Variants in CHRM3 observed in about 807,000 individuals in gnomAD.
The protein encoded by CHRM3 is muscarinic acetylcholine receptor M3.
Under a neutral mutation model 41.8 loss-of-function variants are expected in CHRM3, and 11 were observed. The ratio of observed to expected loss-of-function variants is 0.26; its 90% CI spans 0.17 to 0.44. The LOEUF (loss-of-function observed/expected upper bound fraction) is 0.44, where lower values mean the gene tolerates loss of function less well. Among genes scored for constraint, CHRM3 ranks in the 20% least tolerant of loss-of-function variants. The probability of loss-of-function intolerance (pLI) is 1.00; values close to 1 mark genes in which losing one functional copy is unlikely to be tolerated. For synonymous variants in CHRM3, 297 were observed against 301.4 expected (o/e 0.99, Z 0.15); for missense variants, 571 against 745.4 (o/e 0.77, Z 2.72).
chr1:239,525,416 GT>G (rs1013159403), intron 2 of CHRM3, among the ~76,000 whole-genome samples: 6 of 151,708 alleles, frequency 4.0e-5, no homozygotes, highest in African/African-American at 1.4e-4. Context: ...TTGACTATCA[GT>G]TATTGTATTT....
At chr1:239,532,622 CA>C (rs56408389) in intron 2 of CHRM3, among the ~76,000 whole-genome samples, 61,213 of 114,660 alleles carry the variant, frequency 0.53, 13,296 homozygotes, top group Middle Eastern at 0.64. Flanking sequence ...GACTGCCTCT[CA>C]AAAAAAAAAA....
rs112646057 is a variant in CHRM3, at chr1:239,464,178, G to A, written c.-520-28531G>A. ...AACTGTAGTCCCAGCTACTTGGGAG[G>A]CTGAGGTATGAGAATCACTTGAACC... On this transcript the variant is annotated intron_variant, in intron 1 of 6. Transcript: ENST00000676153. Among the ~76,000 whole-genome samples the A allele has an allele frequency of 3.2e-3, 488 of 151,828 alleles. 2 individuals are homozygous for A. Among genetic ancestry groups the A allele is most frequent in the African/African-American group, 0.011 (456 of 41,326 alleles).
At chr1:239,670,056 C>A in intron 4 of CHRM3, among the ~76,000 whole-genome samples, 1 of 152,006 alleles carries the variant, frequency 6.6e-6, no homozygotes, top group East Asian at 1.9e-4. Context: ...TAATAAGAAG[C>A]CAGTTAAGGT....
intron 1 of CHRM3, among the ~76,000 whole-genome samples, chr1:239,389,521 G>T (rs72754649): frequency 0.22 from 32,769 of 152,084 alleles, 4,274 homozygotes; most frequent in Non-Finnish European, 0.3. Context: ...ATTAGAGTAT[G>T]TAAAAATGTG....
chr1:239,729,619 C>CA (rs1663772284), intron 5 of CHRM3, among the ~76,000 whole-genome samples: 1 of 151,870 alleles, frequency 6.6e-6, no homozygotes, highest in South Asian at 2.1e-4. Flanking sequence ...ATAATAGTTA[C>CA]AGAGTTTTCT....
intron 1 of CHRM3, among the ~76,000 whole-genome samples, chr1:239,411,650 G>A (rs532230915): frequency 9.7e-4 from 139 of 143,146 alleles, no homozygotes; most frequent in Non-Finnish European, 1.7e-3. Flanking sequence ...GCTTGAACCC[G>A]GGAGGCAGAG....
chr1:239,592,548 A>G (rs1193490995), intron 3 of CHRM3, among the ~76,000 whole-genome samples: 1 of 152,258 alleles, frequency 6.6e-6, no homozygotes, highest in East Asian at 1.9e-4. Context: ...AGACCATTTC[A>G]TTTCATGGTC....
At chr1:239,466,679 G>C (rs1178724663) in intron 1 of CHRM3, among the ~76,000 whole-genome samples, 1 of 151,840 alleles carries the variant, frequency 6.6e-6, no homozygotes, top group Non-Finnish European at 1.5e-5. Flanking sequence ...GTCCAGGCTG[G>C]TCTCAAACTC....
At chr1:239,464,340 A>G (rs1181304570) in intron 1 of CHRM3, among the ~76,000 whole-genome samples, 1 of 151,532 alleles carries the variant, frequency 6.6e-6, no homozygotes, top group Non-Finnish European at 1.5e-5. Flanking sequence ...AGAATCTAAG[A>G]ACATATGTAT....
chr1:239,393,818 T>C (rs1659251247), intron 1 of CHRM3, among the ~76,000 whole-genome samples: 1 of 152,220 alleles, frequency 6.6e-6, no homozygotes, highest in African/African-American at 2.4e-5. Flanking sequence ...AGTATTTATT[T>C]TGATTCTCTC....
At chr1:239,895,276 C>T (rs1186001216) in intron 6 of CHRM3, among the ~76,000 whole-genome samples, 1 of 152,068 alleles carries the variant, frequency 6.6e-6, no homozygotes, top group African/African-American at 2.4e-5. Flanking sequence ...GGGTCCATCC[C>T]TCCCGAGTGC....
intron 6 of CHRM3, among the ~76,000 whole-genome samples, chr1:239,903,457 C>T (rs1679734859): frequency 6.6e-6 from 1 of 152,144 alleles, no homozygotes; most frequent in Admixed American, 6.5e-5. Context: ...TTCCACAGCA[C>T]CAGTCACCAT....
chr1:239,750,947 T>A (rs377606922), intron 5 of CHRM3, among the ~76,000 whole-genome samples: 8 of 152,074 alleles, frequency 5.3e-5, no homozygotes, highest in Admixed American at 3.3e-4. Flanking sequence ...AGAAAAGGAG[T>A]CCAGGTGAGG....
intron 5 of CHRM3, chr1:239,707,012 G>A (rs796174745): frequency 3.4e-4 from 52 of 152,326 alleles, no homozygotes; most frequent in African/African-American, 1.2e-3. Flanking sequence ...ATGTATGGTA[G>A]TAGAAGGAAC....
chr1:239,427,346 G>C (rs1038115961), intron 1 of CHRM3, among the ~76,000 whole-genome samples: 1 of 152,106 alleles, frequency 6.6e-6, no homozygotes, highest in African/African-American at 2.4e-5. Context: ...CCTCTCCTAG[G>C]CCTGGAGGGT....
intron 5 of CHRM3, among the ~76,000 whole-genome samples, chr1:239,812,010 TA>T (rs1309974149): frequency 5.9e-5 from 9 of 152,202 alleles, no homozygotes; most frequent in Non-Finnish European, 1.0e-4. Flanking sequence ...ATTTGTTTAA[TA>T]AAAAAGTCTA....
intron 1 of CHRM3, among the ~76,000 whole-genome samples, chr1:239,480,522 A>T (rs1666763812): frequency 6.7e-6 from 1 of 149,892 alleles, no homozygotes; most frequent in Non-Finnish European, 1.5e-5. Flanking sequence ...ATTTTAACTC[A>T]GGTAATCCTA....
chr1:239,855,367 GTGTTGACACATA>G (rs1558182122), intron 6 of CHRM3, among the ~76,000 whole-genome samples: 3 of 152,132 alleles, frequency 2.0e-5, no homozygotes, highest in Admixed American at 6.5e-5. Context: ...ACCTAACTCA[GTGTTGACACATA>G]TTTTCATTTA....
At chr1:239,671,261 C>G (rs1489695737) in intron 4 of CHRM3, among the ~76,000 whole-genome samples, 1 of 152,134 alleles carries the variant, frequency 6.6e-6, no homozygotes, top group Admixed American at 6.5e-5. Flanking sequence ...TGTCTCTACC[C>G]ATTTTCCAGA....
Sources: allele counts gnomAD v4.1 joint callset (sites outside exome capture counted in the v4.1 genomes callset), GRCh38; gene constraint gnomAD v4.1.1; transcripts MANE v1.5; gene names NCBI Gene and HGNC (gene_info 2026-07-23, HGNC 2026-07-21).